The following SPAG1 variants were observed in gnomAD, a reference collection of about 807,000 sequenced individuals.
The protein encoded by SPAG1 is sperm associated antigen 1.
In SPAG1, 69 loss-of-function variants were observed where a neutral mutation model predicts 100.5. The observed-to-expected ratio is 0.69, with a 90% CI of 0.57 to 0.84. The LOEUF (loss-of-function observed/expected upper bound fraction) is 0.84, where lower values mean the gene tolerates loss of function less well. Ranked by LOEUF, SPAG1 falls within the 40% of genes least tolerant of loss-of-function variation. The probability of loss-of-function intolerance (pLI) is 0.00; values close to 1 mark genes in which losing one functional copy is unlikely to be tolerated. For synonymous variants in SPAG1, 336 were observed against 411.6 expected, an observed-to-expected ratio of 0.82 and a Z score of 2.22; for missense variants, 955 against 1,133.1, an observed-to-expected ratio of 0.84 and a Z score of 2.26.
At chr8:100,164,586 G>A (rs754004786) in intron 2 of SPAG1, among the ~76,000 whole-genome samples, 3 of 152,076 alleles carry the variant, frequency 2.0e-5, no homozygotes, top group South Asian at 2.1e-4. Flanking sequence ...CACCACGCCC[G>A]GCTAATTTTT....
intron 5 of SPAG1, 39 bp from the exon 6 acceptor site, chr8:100,183,917 T>C: frequency 4.3e-6 from 4 of 927,294 alleles, no homozygotes; most frequent in Non-Finnish European, 6.7e-6. Flanking sequence ...TTCTTGCCTG[T>C]ATTGTACTTT....
At position 100,241,196 on chromosome 8, in the gene SPAG1, T is replaced by C; in HGVS notation, c.*174T>C. On this transcript the variant is annotated 3_prime_UTR_variant, in exon 19 of 19. Coordinates refer to ENST00000388798, the MANE Select transcript of SPAG1 (RefSeq NM_003114.5). This position sits in a 1 kb window ranked among gnomAD's most constrained non-coding sequence, Gnocchi z 5.1. ...ACATGTATATTCTACAATCTGCTTT[T>C]TATTAGTTGTAAATATTTTCTTATG... The C allele has an allele frequency of 2.2e-6, 1 of 455,984 alleles. No homozygotes were observed. Among genetic ancestry groups the C allele is most frequent in the Non-Finnish European group, 3.7e-6 (1 of 266,808 alleles). The allele number at this position is 455,984 out of a possible 1,614,324, so 28.2% of individuals were successfully genotyped here. A position where few individuals can be genotyped will look rare whatever the true frequency, so the allele number is the denominator to read the frequency against.
chr8:100,240,818 T>G (rs765923918), intron 18 of SPAG1, 47 bp downstream of exon 18: 1 of 1,567,808 alleles, frequency 6.4e-7, no homozygotes, highest in East Asian at 2.2e-5. Context: ...TTATTAGGGT[T>G]TCTGTAACTT....
At chr8:100,189,994 T>A (rs915295925) in intron 8 of SPAG1, among the ~76,000 whole-genome samples, 1 of 152,170 alleles carries the variant, frequency 6.6e-6, no homozygotes, top group Non-Finnish European at 1.5e-5. Context: ...TAAAATAGCA[T>A]ATTAAAATAT....
intron 3 of SPAG1, among the ~76,000 whole-genome samples, chr8:100,168,464 G>A (rs1328802221): frequency 6.6e-6 from 1 of 151,992 alleles, no homozygotes; most frequent in Non-Finnish European, 1.5e-5. Flanking sequence ...CACCATCACA[G>A]CTCGCTGCAG....
intron 16 of SPAG1, 79 bp downstream of exon 16, chr8:100,233,616 T>A (rs1818876929): frequency 1.4e-6 from 2 of 1,392,912 alleles, no homozygotes; most frequent in Non-Finnish European, 2.0e-6. Flanking sequence ...AATCTCCAGA[T>A]CTTGGGATGG....
chr8:100,177,998 T>G (rs1195051706), intron 4 of SPAG1, 57 bp downstream of exon 4: 21 of 1,476,126 alleles, frequency 1.4e-5, no homozygotes, highest in Non-Finnish European at 1.8e-5. Flanking sequence ...TGCTGTTTAT[T>G]AAGGGGCAAT....
chr8:100,185,959 C>T (rs1210330883), intron 7 of SPAG1, among the ~76,000 whole-genome samples: 1 of 150,202 alleles, frequency 6.7e-6, no homozygotes, highest in African/African-American at 2.4e-5. Flanking sequence ...TTACAAAGCT[C>T]TTTTCTTCTT....
At chr8:100,210,390 CT>C (rs1429455112) in intron 10 of SPAG1, among the ~76,000 whole-genome samples, 2 of 152,120 alleles carry the variant, frequency 1.3e-5, no homozygotes, top group Non-Finnish European at 2.9e-5. Flanking sequence ...ATTCAGTATG[CT>C]GTTGAATCTG....
At chr8:100,213,551 C>T (rs1817836437) in intron 11 of SPAG1, 123 bp downstream of exon 11, 3 of 822,950 alleles carry the variant, frequency 3.6e-6, no homozygotes, top group Non-Finnish European at 5.1e-6. Context: ...CGCTGCATTC[C>T]TCCCAGGTGA....
intron 7 of SPAG1, 89 bp downstream of exon 7, chr8:100,184,822 A>G (rs1313083335): frequency 2.6e-5 from 19 of 726,182 alleles, no homozygotes; most frequent in Non-Finnish European, 3.9e-5. Context: ...GCGAAAGTCT[A>G]TGTCAGAATC....
In SPAG1 at chr8:100,239,125, A is replaced by G; in HGVS notation, c.2116-115A>G. ...AGGCTCACTTTGTAAGAGTGGTATT[A>G]ATGTGGACCCTGCACACATACTGCA... On this transcript the variant is annotated intron_variant, in intron 16 of 18. Transcript: ENST00000388798. This position sits in a 1 kb window ranked among gnomAD's most constrained non-coding sequence, Gnocchi z 5.0. 1 of 561,122 alleles carries G rather than the reference A, an allele frequency of 1.8e-6. No individual in the cohort carries two copies. Among genetic ancestry groups the G allele is most frequent in the Non-Finnish European group, 3.1e-6 (1 of 321,366 alleles). The allele number at this position is 561,122 out of a possible 1,614,324, so 34.8% of individuals were successfully genotyped here.
At chr8:100,226,700 C>G (rs1818528479) in intron 14 of SPAG1, among the ~76,000 whole-genome samples, 1 of 150,328 alleles carries the variant, frequency 6.7e-6, no homozygotes, top group Non-Finnish European at 1.5e-5. Context: ...AAGATGCTGT[C>G]TCAAAAAAAA....
At chr8:100,226,805 C>T (rs1461430580) in intron 14 of SPAG1, among the ~76,000 whole-genome samples, 7 of 152,080 alleles carry the variant, frequency 4.6e-5, no homozygotes, top group Non-Finnish European at 1.0e-4. Flanking sequence ...AGTAAAGCCC[C>T]ACAACATAAA....
intron 17 of SPAG1, among the ~76,000 whole-genome samples, chr8:100,240,093 C>G (rs1819188686): frequency 6.6e-6 from 1 of 152,032 alleles, no homozygotes; most frequent in African/African-American, 2.4e-5. Flanking sequence ...AAGTTCATTT[C>G]TCTGTTAAAA....
At chr8:100,174,921 G>A (rs1037354187) in intron 3 of SPAG1, among the ~76,000 whole-genome samples, 16 of 150,136 alleles carry the variant, frequency 1.1e-4, no homozygotes, top group Middle Eastern at 3.5e-3. Context: ...ATGAAATCCC[G>A]GACAACATCT....
At chr8:100,206,087 T>C (rs1817505775) in intron 10 of SPAG1, among the ~76,000 whole-genome samples, 1 of 144,570 alleles carries the variant, frequency 6.9e-6, no homozygotes, top group East Asian at 2.0e-4. Flanking sequence ...TCCCATCACA[T>C]TCCCATTCAA....
chr8:100,220,295 C>G lies in SPAG1; in HGVS notation c.1552C>G (p.Pro518Ala). 1 of 1,609,772 alleles carries G rather than the reference C, an allele frequency of 6.2e-7. No homozygotes were observed. The highest frequency in any genetic ancestry group is 1.3e-5 in the African/African-American group (1 of 74,694). ...CTTCTTTAGGGCTCTGGAACTTCAT[C>G]CATTCTCTATGAAACCTCTTCTGAG... is the stretch of plus-strand genomic sequence containing the variant. ...QDCNRALELH[P>A]FSMKPLLRRA... Residue 518 changes from proline to alanine, a missense_variant, in exon 13 of 19, where the codon CCA (proline) becomes GCA (alanine). Coordinates refer to ENST00000388798, the MANE Select transcript of SPAG1 (RefSeq NM_003114.5).
At chr8:100,184,769 T>C in intron 7 of SPAG1, 36 bp downstream of exon 7, 1 of 1,204,160 alleles carries the variant, frequency 8.3e-7, no homozygotes, top group Non-Finnish European at 1.2e-6. Context: ...AACTTGCCTT[T>C]TAAAAAATGA....
Sources: allele counts gnomAD v4.1 joint callset (sites outside exome capture counted in the v4.1 genomes callset), GRCh38; gene constraint gnomAD v4.1.1; non-coding constraint Gnocchi (gnomAD v3.1); transcripts MANE v1.5; gene names NCBI Gene and HGNC (gene_info 2026-07-23, HGNC 2026-07-21).